The following CLYBL variants were observed in gnomAD, a reference collection of about 807,000 sequenced individuals.
CLYBL encodes the protein citramalyl-CoA lyase, mitochondrial.
Under a neutral mutation model 38.9 loss-of-function variants are expected in CLYBL, and 31 were observed. The ratio of observed to expected loss-of-function variants is 0.80; its 90% CI spans 0.60 to 1.08. The LOEUF (loss-of-function observed/expected upper bound fraction) is 1.08. CLYBL is among the 50% of genes least tolerant of loss of function. The pLI is 0.00. For synonymous variants in CLYBL, 171 were observed against 158.6 expected, an observed-to-expected ratio of 1.08 and a Z score of -0.59; for missense variants, 434 against 411.6, an observed-to-expected ratio of 1.05 and a Z score of -0.47.
chr13:99,816,484 A>G (rs905939750), intron 2 of CLYBL, among the ~76,000 whole-genome samples: 5 of 152,240 alleles, frequency 3.3e-5, no homozygotes, highest in Admixed American at 1.3e-4. Flanking sequence ...GCCTCGTAAA[A>G]TGGGCCCTGC....
At chr13:99,623,654 T>G (rs2046828390) in intron 1 of CLYBL, among the ~76,000 whole-genome samples, 1 of 152,090 alleles carries the variant, frequency 6.6e-6, no homozygotes, top group South Asian at 2.1e-4. Context: ...AGATCCAAGG[T>G]CCATTTAGAA....
At chr13:99,694,964 T>A (rs1331255975) in intron 1 of CLYBL, among the ~76,000 whole-genome samples, 1 of 152,078 alleles carries the variant, frequency 6.6e-6, no homozygotes, top group Non-Finnish European at 1.5e-5. Context: ...GGGAAAATGG[T>A]TAATCATCAT....
At chr13:99,819,585 T>G (rs1311030544) in intron 2 of CLYBL, among the ~76,000 whole-genome samples, 1 of 151,016 alleles carries the variant, frequency 6.6e-6, no homozygotes, top group Non-Finnish European at 1.5e-5. Flanking sequence ...TTCTGCGATC[T>G]GCTGTCTGCA....
intron 1 of CLYBL, among the ~76,000 whole-genome samples, chr13:99,662,387 A>G (rs1405606357): frequency 6.6e-6 from 1 of 152,156 alleles, no homozygotes; most frequent in Non-Finnish European, 1.5e-5. Context: ...AATCTCTTCT[A>G]GTATCTCTTT....
At chr13:99,711,260 C>A (rs1014515341) in intron 1 of CLYBL, among the ~76,000 whole-genome samples, 1 of 152,042 alleles carries the variant, frequency 6.6e-6, no homozygotes, top group Non-Finnish European at 1.5e-5. Flanking sequence ...ATTTATTTCC[C>A]ACACTTCTGG....
At chr13:99,901,499 C>T (rs368473456), downstream of CLYBL, among the ~76,000 whole-genome samples, 1 of 151,916 alleles carries the variant, frequency 6.6e-6, no homozygotes, top group Non-Finnish European at 1.5e-5. Context: ...AGAGAGACCC[C>T]GAGAGAGACC....
At chr13:99,696,957 T>A (rs2047989335) in intron 1 of CLYBL, among the ~76,000 whole-genome samples, 1 of 152,268 alleles carries the variant, frequency 6.6e-6, no homozygotes, top group Non-Finnish European at 1.5e-5. Context: ...TTTGACCCTG[T>A]CTTCTCTGTT....
rs1437086153 is a variant in CLYBL, at chr13:99,777,510, G to A, written c.249+4500G>A. On this transcript the variant is annotated intron_variant, in intron 2 of 8. Transcript: ENST00000339105. The stretch of plus-strand genomic sequence containing the variant: ...TCTTTTCTTTTCTTTTTTTTTTTTT[G>A]AGACAGAGTTTTGCTCTTGTTGCCC... 1.6e-4 allele frequency among the ~76,000 whole-genome samples: 13 copies of A among 81,150 alleles called. No homozygotes were observed. In the South Asian group the frequency reaches 2.0e-3, roughly 12 times the overall value. The allele number at this position is 81,150 out of a possible 152,430, so 53.2% of individuals were successfully genotyped here. A position where few individuals can be genotyped will look rare whatever the true frequency, so the allele number is the denominator to read the frequency against.
chr13:99,698,154 A>G (rs2048008139), intron 1 of CLYBL, among the ~76,000 whole-genome samples: 1 of 151,844 alleles, frequency 6.6e-6, no homozygotes, highest in Non-Finnish European at 1.5e-5. Context: ...AACATTTTGA[A>G]GACGTTTTGC....
At chr13:99,734,775 A>C (rs1049997524) in intron 1 of CLYBL, among the ~76,000 whole-genome samples, 1 of 152,200 alleles carries the variant, frequency 6.6e-6, no homozygotes, top group Non-Finnish European at 1.5e-5. Flanking sequence ...CAGATGAATG[A>C]TTCGATGATA....
In CLYBL at chr13:99,655,882, C is replaced by T. The variant is rs150744815; in HGVS notation, c.62+49125C>T. Reference sequence around the variant, plus strand: ...AGTCATCGAGTTAATTATTTCCCCCCAGAAAGGTTAACATACTGAGGACAG... The same window carrying T: ...AGTCATCGAGTTAATTATTTCCCCCTAGAAAGGTTAACATACTGAGGACAG... On this transcript the variant is annotated intron_variant, in intron 1 of 8. Transcript: ENST00000339105. Among the ~76,000 whole-genome samples, 218 of 152,322 alleles carry T rather than the reference C, an allele frequency of 1.4e-3. 6 individuals are homozygous for T. In the East Asian group the frequency reaches 0.036, roughly 25 times the overall value.
intron 7 of CLYBL, among the ~76,000 whole-genome samples, chr13:99,884,507 A>G (rs1233300964): frequency 6.6e-6 from 1 of 152,136 alleles, no homozygotes; most frequent in Non-Finnish European, 1.5e-5. Context: ...TAGGTCCCCT[A>G]TCAGTTACTC....
chr13:99,656,292 C>A (rs1390025614), intron 1 of CLYBL, among the ~76,000 whole-genome samples: 1 of 152,098 alleles, frequency 6.6e-6, no homozygotes, highest in African/African-American at 2.4e-5. Flanking sequence ...CAGTTCTAGG[C>A]AGACCACTAG....
At position 99,784,449 on chromosome 13, in the gene CLYBL, C is replaced by CTCTTTTTT. The variant is rs71121010; in HGVS notation, c.249+11440_249+11441insCTTTTTTT. ...TTCCTCTGCTTCTGGAAAATTCTCT[C>CTCTTTTTT]TTTTTTTTTTTTTTTTTTTTTTTGA... is the stretch of plus-strand genomic sequence containing the variant. On this transcript the variant is annotated intron_variant, in intron 2 of 8. Transcript: ENST00000339105. 2.9e-4 allele frequency among the ~76,000 whole-genome samples: 15 copies of CTCTTTTTT among 52,126 alleles called. 1 individual carries two copies. Among genetic ancestry groups the CTCTTTTTT allele is most frequent in the Non-Finnish European group, 5.3e-4 (14 of 26,224 alleles). The allele number at this position is 52,126 out of a possible 152,430, so 34.2% of individuals were successfully genotyped here.
At chr13:99,863,780 T>C (rs1460564749) in intron 4 of CLYBL, among the ~76,000 whole-genome samples, 1 of 152,172 alleles carries the variant, frequency 6.6e-6, no homozygotes, top group Non-Finnish European at 1.5e-5. Context: ...CCTGCGAACA[T>C]CAATCTAGCA....
chr13:99,781,244 C>T (rs1293602985), intron 2 of CLYBL, among the ~76,000 whole-genome samples: 2 of 151,872 alleles, frequency 1.3e-5, no homozygotes, highest in African/African-American at 4.8e-5. Context: ...GATCTTGGCT[C>T]ACTGCTAGCT....
At chr13:99,749,889 G>A (rs766278792) in intron 1 of CLYBL, among the ~76,000 whole-genome samples, 1 of 152,192 alleles carries the variant, frequency 6.6e-6, no homozygotes, top group Non-Finnish European at 1.5e-5. Flanking sequence ...GAATCTCTCA[G>A]GGTACTTGGG....
intron 1 of CLYBL, among the ~76,000 whole-genome samples, chr13:99,684,169 C>T (rs143849541): frequency 3.1e-3 from 455 of 149,074 alleles, no homozygotes; most frequent in African/African-American, 0.011. Flanking sequence ...TGTGAGCCAC[C>T]GGGCCTGGCA....
downstream of CLYBL, among the ~76,000 whole-genome samples, chr13:99,902,090 C>T (rs2052650330): frequency 6.6e-6 from 1 of 152,160 alleles, no homozygotes; most frequent in Admixed American, 6.5e-5. Context: ...TTTAACTTCA[C>T]ATCAAGTTTA....
Sources: gnomAD v4.1 joint callset for allele counts (sites outside exome capture counted in the v4.1 genomes callset) on GRCh38, gnomAD v4.1.1 for gene constraint, MANE v1.5 for transcripts, NCBI Gene and HGNC (gene_info 2026-07-23, HGNC 2026-07-21) for gene names.